The following EXOC3L2 variants were observed in gnomAD, a reference collection of about 807,000 sequenced individuals.
EXOC3L2 encodes exocyst complex component 3 like 2.
In EXOC3L2, 17 loss-of-function variants were observed where a neutral mutation model predicts 44.4. That is an observed-to-expected ratio of 0.38 (90% CI 0.26 to 0.57). The LOEUF is 0.57. Among genes scored for constraint, EXOC3L2 ranks in the 20% least tolerant of loss-of-function variants. The pLI is 0.65. For missense variants in EXOC3L2, 541 were observed against 588.4 expected, an observed-to-expected ratio of 0.92 and a Z score of 0.83; for synonymous variants, 256 against 253.7, an observed-to-expected ratio of 1.01 and a Z score of -0.09.
chr19:45,227,029 G>C (rs1417048982), intron 7 of EXOC3L2, among the ~76,000 whole-genome samples: 1 of 141,256 alleles, frequency 7.1e-6, no homozygotes, highest in African/African-American at 2.6e-5. Flanking sequence ...CTGGGATTAC[G>C]GGTGTGAGCC....
chr19:45,221,727 ATCC>A (rs549459682), intron 8 of EXOC3L2, among the ~76,000 whole-genome samples: 40 of 146,354 alleles, frequency 2.7e-4, no homozygotes, highest in South Asian at 6.5e-4. Flanking sequence ...AGCTCACTAC[ATCC>A]TCAACTTCCT....
chr19:45,231,171 A>G (rs913774442), intron 4 of EXOC3L2, among the ~76,000 whole-genome samples: 4 of 152,226 alleles, frequency 2.6e-5, no homozygotes, highest in Admixed American at 1.3e-4. Context: ...GCTCTTAAGT[A>G]GCATTGACTG....
Position 45,238,774 on chromosome 19 carries a change from C to A in EXOC3L2, c.272G>T (p.Arg91Leu). ...GDGQPRSFLG[R>L]VLVPGIRRSS... ...CCTGCGTATCCCTGGTACCAGCACA[C>A]GGCCCAAGAAAGAGCGGGGCTGCCC... Residue 91 changes from arginine (R) to leucine (L), a missense_variant, in exon 2 of 12, where the codon CGT (arginine) becomes CTT (leucine). Coordinates refer to ENST00000413988, the MANE Select transcript of EXOC3L2 (RefSeq NM_001382422.1). The surrounding 1 kb of genome is among the most constrained non-coding windows in gnomAD (Gnocchi z 5.5). The A allele has an allele frequency of 2.5e-6, 1 of 398,882 alleles. No homozygotes were observed. The allele number at this position is 398,882 out of a possible 1,614,324, so 24.7% of individuals were successfully genotyped here.
Position 45,243,221 on chromosome 19 carries a change from G to C in EXOC3L2, c.-17+2120C>G, listed in dbSNP as rs577638768. ...ATTCCACTATATGAATTGTGTAAAG[G>C]GTCAGATGTTCACTTGTTCTTCTAT... On this transcript the variant is annotated intron_variant, in intron 1 of 11. Transcript: ENST00000413988. 8.5e-5 allele frequency among the ~76,000 whole-genome samples: 13 copies of C among 152,232 alleles called. No homozygotes were observed. In the South Asian group the frequency reaches 2.5e-3, roughly 29 times the overall value.
rs376415591 is a variant in EXOC3L2, at chr19:45,213,152, G to T, written c.2326C>A (p.Leu776Ile). The change falls in exon 12 of 12, where the codon CTC becomes ATC. Residue 776 changes from leucine (L) to isoleucine (I), a missense_variant. Coordinates refer to ENST00000413988, the MANE Select transcript of EXOC3L2 (RefSeq NM_001382422.1). ...SLPLFLGRLP[L>I]SRLARPSLAC... Reference sequence around the variant, plus strand: ...AAACTGGGCCTGGCCAGCCGGGAGAGGGGGAGGCGGCCCAGGAAGAGAGGG... The same window carrying T: ...AAACTGGGCCTGGCCAGCCGGGAGATGGGGAGGCGGCCCAGGAAGAGAGGG... 13 of 1,590,206 alleles carry T rather than the reference G, an allele frequency of 8.2e-6. No individual in the cohort carries two copies. Among genetic ancestry groups the T allele is most frequent in the South Asian group, 1.1e-5 (1 of 88,728 alleles).
chr19:45,219,355 C>T (rs903593405), intron 8 of EXOC3L2, among the ~76,000 whole-genome samples: 2 of 140,038 alleles, frequency 1.4e-5, no homozygotes, highest in Admixed American at 1.5e-4. Context: ...GATCATGATA[C>T]TGCACTCCAG....
chr19:45,223,318 G>A (rs1001600509), intron 8 of EXOC3L2, among the ~76,000 whole-genome samples: 2 of 151,974 alleles, frequency 1.3e-5, no homozygotes, highest in African/African-American at 4.8e-5. Flanking sequence ...CAGGGAGTCG[G>A]GAGGGGGGTT....
In EXOC3L2 at chr19:45,238,727, G is replaced by C; in HGVS notation, c.319C>G (p.Leu107Val). 1 of 398,952 alleles carries C rather than the reference G, an allele frequency of 2.5e-6. No homozygotes were observed. 24.7% of individuals were successfully genotyped at this position (398,952 alleles called of 1,614,324 possible). A position where few individuals can be genotyped will look rare whatever the true frequency, so the allele number is the denominator to read the frequency against. The change falls in exon 2 of 12, where the codon CTG becomes GTG. Residue 107 changes from leucine (L) to valine (V), a missense_variant. Leu to Val is a conservative substitution (Grantham distance 32). Transcript: ENST00000413988. This position sits in a 1 kb window ranked among gnomAD's most constrained non-coding sequence, Gnocchi z 5.5. Reference sequence around the variant, plus strand: ...GCTCGGGTCCCATGCAGCCGGGCCAGGAGGCCAAAATCTGCTGAGCTCCTG... The same window carrying C: ...GCTCGGGTCCCATGCAGCCGGGCCACGAGGCCAAAATCTGCTGAGCTCCTG... Reference protein sequence around the residue: ...IRRSSADFGLLARLHGTRAHG... With the variant: ...IRRSSADFGLVARLHGTRAHG...
chr19:45,217,820 C>A, intron 9 of EXOC3L2, 137 bp from the exon 10 acceptor site: 1 of 1,018,220 alleles, frequency 9.8e-7, no homozygotes, highest in Non-Finnish European at 1.3e-6. Context: ...CGTGCCCACG[C>A]CCCAGTCCCC....
chr19:45,237,698 A>C (rs1970095846), intron 2 of EXOC3L2, among the ~76,000 whole-genome samples: 2 of 151,954 alleles, frequency 1.3e-5, no homozygotes, highest in South Asian at 4.2e-4. Flanking sequence ...GGATTGAATT[A>C]CGTCCCCCCA....
chr19:45,232,478 T>C (rs998838438), intron 3 of EXOC3L2, among the ~76,000 whole-genome samples: 1 of 152,204 alleles, frequency 6.6e-6, no homozygotes, highest in Non-Finnish European at 1.5e-5. Context: ...ATGAGATCTA[T>C]GTGGTCAATG....
intron 8 of EXOC3L2, among the ~76,000 whole-genome samples, chr19:45,223,373 C>T (rs911118335): frequency 1.3e-5 from 2 of 151,930 alleles, no homozygotes; most frequent in East Asian, 1.9e-4. Context: ...AGGGAAGTCT[C>T]GCTCTGTCAC....
Position 45,234,090 on chromosome 19 carries a change from C to A in EXOC3L2, c.1157+103G>T, listed in dbSNP as rs548888487. 45 of 372,938 alleles carry A rather than the reference C, an allele frequency of 1.2e-4. No homozygotes were observed. Among genetic ancestry groups the A allele is most frequent in the Non-Finnish European group, 2.1e-4 (44 of 209,480 alleles). 23.1% of individuals were successfully genotyped at this position (372,938 alleles called of 1,614,324 possible). ...GGTTAATGGTGTTAAAGTGCTAGGACTGTAGGGTCAGCTGTCCCAAGGTCC... is the reference window on the plus strand; with the variant it reads ...GGTTAATGGTGTTAAAGTGCTAGGAATGTAGGGTCAGCTGTCCCAAGGTCC... On this transcript the variant is annotated intron_variant, in intron 3 of 11. Coordinates refer to ENST00000413988, the MANE Select transcript of EXOC3L2 (RefSeq NM_001382422.1). The surrounding 1 kb of genome is among the most constrained non-coding windows in gnomAD (Gnocchi z 5.0).
chr19:45,240,001 C>T (rs1452556826), intron 1 of EXOC3L2, among the ~76,000 whole-genome samples: 3 of 152,052 alleles, frequency 2.0e-5, no homozygotes, highest in Non-Finnish European at 4.4e-5. Flanking sequence ...ACCCCCTCAT[C>T]CCCTTCATTT....
intron 2 of EXOC3L2, among the ~76,000 whole-genome samples, chr19:45,237,381 G>C (rs981130375): frequency 1.3e-5 from 2 of 152,008 alleles, no homozygotes; most frequent in Admixed American, 6.6e-5. Flanking sequence ...TGTGCCTGTA[G>C]TCCCAGCTAC....
chr19:45,233,920 A>G (rs1194463076), intron 3 of EXOC3L2, among the ~76,000 whole-genome samples: 1 of 152,162 alleles, frequency 6.6e-6, no homozygotes, highest in Non-Finnish European at 1.5e-5. Flanking sequence ...GTGTTGACAG[A>G]GCGCTGAGGT....
chr19:45,226,850 T>C (rs1460576499), intron 7 of EXOC3L2, among the ~76,000 whole-genome samples: 1 of 149,498 alleles, frequency 6.7e-6, no homozygotes, highest in Non-Finnish European at 1.5e-5. Flanking sequence ...CCTCCCAGGT[T>C]CACGCCATTC....
chr19:45,229,578 GCTTATGC>G (rs1253208121), intron 4 of EXOC3L2, among the ~76,000 whole-genome samples: 1 of 148,768 alleles, frequency 6.7e-6, no homozygotes, highest in African/African-American at 2.4e-5. Flanking sequence ...AGGTGCGGTG[GCTTATGC>G]CTGTAATCCC....
Position 45,227,956 on chromosome 19 carries a change from G to T in EXOC3L2, c.1472+18C>A. The T allele has an allele frequency of 6.2e-7, 1 of 1,611,178 alleles. No individual in the cohort carries two copies. Among genetic ancestry groups the T allele is most frequent in the South Asian group, 1.1e-5 (1 of 90,878 alleles). ...CCAACCCCCAGCAGAGCTAACCTGT[G>T]CTCCCAGGTTCCCCTACCTCTGCAG... On this transcript the variant is annotated intron_variant, in intron 6 of 11. Coordinates refer to ENST00000413988, the MANE Select transcript of EXOC3L2 (RefSeq NM_001382422.1).
Sources: allele counts gnomAD v4.1 joint callset (sites outside exome capture counted in the v4.1 genomes callset), GRCh38; gene constraint gnomAD v4.1.1; non-coding constraint Gnocchi (gnomAD v3.1); transcripts MANE v1.5; gene names NCBI Gene and HGNC (gene_info 2026-07-23, HGNC 2026-07-21).